NKAIN3: variants seen among roughly 807,000 people sequenced by gnomAD.
The protein encoded by NKAIN3 is sodium/potassium transporting ATPase interacting 3, also known as sodium/potassium-transporting ATPase subunit beta-1-interacting protein 3.
NKAIN3 carries 25 observed loss-of-function variants against 30.2 expected under a neutral mutation model. The ratio of observed to expected loss-of-function variants is 0.83; its 90% CI spans 0.60 to 1.16. NKAIN3 has a LOEUF of 1.16. Ranked by LOEUF, NKAIN3 falls within the 50% of genes most tolerant of loss-of-function variation. The pLI is 0.00. For synonymous variants in NKAIN3, 91 were observed against 89.6 expected, an observed-to-expected ratio of 1.02 and a Z score of -0.09; for missense variants, 225 against 254.1, an observed-to-expected ratio of 0.89 and a Z score of 0.78.
chr8:62,677,566 AG>A (rs759324735), intron 3 of NKAIN3, among the ~76,000 whole-genome samples: 41 of 152,320 alleles, frequency 2.7e-4, no homozygotes, highest in Admixed American at 1.2e-3. Flanking sequence ...CTGTGTCCTC[AG>A]GGTCCACTTG....
At chr8:62,280,693 G>A (rs769563608) in intron 1 of NKAIN3, among the ~76,000 whole-genome samples, 13 of 152,084 alleles carry the variant, frequency 8.5e-5, no homozygotes, top group South Asian at 4.1e-4. Flanking sequence ...ATTTGCATAC[G>A]TTGAACCACC....
At chr8:62,421,608 CTCTCTCTCTCTT>C (rs1804642774) in intron 1 of NKAIN3, among the ~76,000 whole-genome samples, 1 of 151,360 alleles carries the variant, frequency 6.6e-6, no homozygotes, top group African/African-American at 2.4e-5. Context: ...ATTGGAGTCT[CTCTCTCTCTCTT>C]TCTCTCTCTC....
intron 3 of NKAIN3, among the ~76,000 whole-genome samples, chr8:62,666,902 C>T (rs1326652802): frequency 2.0e-5 from 3 of 152,054 alleles, no homozygotes; most frequent in Non-Finnish European, 4.4e-5. Flanking sequence ...CCTTTCTTTC[C>T]TCTGATGCAC....
intron 1 of NKAIN3, among the ~76,000 whole-genome samples, chr8:62,273,302 T>TA (rs1216557296): frequency 6.6e-6 from 1 of 152,168 alleles, no homozygotes; most frequent in African/African-American, 2.4e-5. Context: ...TTAATTTAAT[T>TA]AAAAAAATTA....
At chr8:62,884,220 A>G (rs540956576) in intron 4 of NKAIN3, among the ~76,000 whole-genome samples, 46 of 151,578 alleles carry the variant, frequency 3.0e-4, no homozygotes, top group Admixed American at 2.6e-3. Context: ...GAGTTAGATC[A>G]CATACCCTCT....
chr8:62,593,421 GA>G (rs1434496331), intron 3 of NKAIN3, among the ~76,000 whole-genome samples: 2 of 151,708 alleles, frequency 1.3e-5, no homozygotes, highest in African/African-American at 4.8e-5. Context: ...TTGCTTATTA[GA>G]AAAAAAGAAA....
At chr8:62,575,859 T>C (rs1000129035) in intron 1 of NKAIN3, among the ~76,000 whole-genome samples, 1 of 152,000 alleles carries the variant, frequency 6.6e-6, no homozygotes, top group Non-Finnish European at 1.5e-5. Flanking sequence ...AAACCATAAA[T>C]TGGGGAAAGG....
chr8:62,597,386 G>T (rs550777340), intron 3 of NKAIN3, among the ~76,000 whole-genome samples: 207 of 152,118 alleles, frequency 1.4e-3, no homozygotes, highest in African/African-American at 4.5e-3. Flanking sequence ...ATGGTGAAAA[G>T]AAAATTCTTA....
At chr8:62,608,117 T>C (rs1811182041) in intron 3 of NKAIN3, among the ~76,000 whole-genome samples, 1 of 152,008 alleles carries the variant, frequency 6.6e-6, no homozygotes, top group Admixed American at 6.5e-5. Context: ...ATATACTTTC[T>C]TTCTTCTTCT....
intron 3 of NKAIN3, among the ~76,000 whole-genome samples, chr8:62,641,917 A>T (rs1812319093): frequency 6.6e-6 from 1 of 152,110 alleles, no homozygotes; most frequent in Non-Finnish European, 1.5e-5. Context: ...TCTCATTTAG[A>T]AATGAATAGT....
At chr8:62,942,247 C>T (rs1444470149) in intron 5 of NKAIN3, among the ~76,000 whole-genome samples, 1 of 141,766 alleles carries the variant, frequency 7.1e-6, no homozygotes, top group East Asian at 2.0e-4. Context: ...CATATATATA[C>T]ATATATATAT....
At chr8:62,941,857 C>T (rs1822963784) in intron 5 of NKAIN3, among the ~76,000 whole-genome samples, 1 of 152,048 alleles carries the variant, frequency 6.6e-6, no homozygotes, top group South Asian at 2.1e-4. Flanking sequence ...TGGAACAAGA[C>T]AAGGATGCCC....
intron 1 of NKAIN3, among the ~76,000 whole-genome samples, chr8:62,410,467 A>G (rs748372855): frequency 6.6e-5 from 10 of 152,156 alleles, no homozygotes; most frequent in Non-Finnish European, 8.8e-5. Flanking sequence ...TCCTTTATGT[A>G]TATACCCAGT....
intron 1 of NKAIN3, among the ~76,000 whole-genome samples, chr8:62,253,615 A>G (rs1206449546): frequency 2.0e-5 from 3 of 152,212 alleles, no homozygotes; most frequent in Non-Finnish European, 4.4e-5. Flanking sequence ...AATAGAGAAC[A>G]TTCTCTCAAA....
intron 1 of NKAIN3, among the ~76,000 whole-genome samples, chr8:62,529,387 C>T (rs977610603): frequency 2.0e-5 from 3 of 152,100 alleles, no homozygotes; most frequent in Non-Finnish European, 2.9e-5. Flanking sequence ...TTTTCCTCCT[C>T]TGCTCCACTC....
intron 3 of NKAIN3, among the ~76,000 whole-genome samples, chr8:62,645,625 A>G (rs1378320590): frequency 6.6e-6 from 1 of 152,150 alleles, no homozygotes; most frequent in Non-Finnish European, 1.5e-5. Context: ...TCAAGTGTAT[A>G]TGAAGTGACA....
intron 1 of NKAIN3, among the ~76,000 whole-genome samples, chr8:62,463,876 A>C (rs1585837089): frequency 6.6e-6 from 1 of 152,206 alleles, no homozygotes; most frequent in African/African-American, 2.4e-5. Context: ...TATTGTCTCT[A>C]TGAAAATACT....
At chr8:62,581,402 T>C (rs1050976497) in intron 2 of NKAIN3, among the ~76,000 whole-genome samples, 2 of 152,206 alleles carry the variant, frequency 1.3e-5, no homozygotes, top group Non-Finnish European at 2.9e-5. Context: ...TTTGAAACCA[T>C]AGATGGCTTC....
At position 62,976,462 on chromosome 8, in the gene NKAIN3, T is replaced by G. The variant is rs62508107; in HGVS notation, c.*11055T>G. On this transcript the variant is annotated 3_prime_UTR_variant, in exon 7 of 7. Coordinates refer to ENST00000623646, the MANE Select transcript of NKAIN3 (RefSeq NM_001304533.3). ...AATGGCCTTCTGTGTCTGTTTTGAT[T>G]TTTGTTGGCTTAAAGTCTGTTTTAC... Among the ~76,000 whole-genome samples, 1 of 152,060 alleles carries G rather than the reference T, an allele frequency of 6.6e-6. No homozygotes were observed. Among genetic ancestry groups the G allele is most frequent in the Non-Finnish European group, 1.5e-5 (1 of 67,992 alleles).
Sources: allele counts gnomAD v4.1 joint callset (sites outside exome capture counted in the v4.1 genomes callset), GRCh38; gene constraint gnomAD v4.1.1; transcripts MANE v1.5; gene names NCBI Gene and HGNC (gene_info 2026-07-23, HGNC 2026-07-21).